The following TBC1D15 variants were observed in gnomAD, a reference collection of about 807,000 sequenced individuals.
The protein encoded by TBC1D15 is TBC1 domain family member 15.
Under a neutral mutation model 95.4 loss-of-function variants are expected in TBC1D15, and 39 were observed. The observed-to-expected ratio is 0.41, with a 90% CI of 0.32 to 0.53. The LOEUF is 0.53. Ranked by LOEUF, TBC1D15 falls within the 20% of genes least tolerant of loss-of-function variation. TBC1D15 has a pLI of 0.29. For missense variants in TBC1D15, 733 were observed against 794.3 expected, an observed-to-expected ratio of 0.92 and a Z score of 0.93; for synonymous variants, 258 against 261.3, an observed-to-expected ratio of 0.99 and a Z score of 0.12.
intron 14 of TBC1D15, among the ~76,000 whole-genome samples, chr12:71,919,720 C>G (rs1868514755): frequency 6.6e-6 from 1 of 152,106 alleles, no homozygotes; most frequent in African/African-American, 2.4e-5. Context: ...TGTATTTATG[C>G]CTAGTGTTCC....
chr12:71,855,137 A>G (rs114613268), intron 1 of TBC1D15, among the ~76,000 whole-genome samples: 166 of 152,250 alleles, frequency 1.1e-3, no homozygotes, highest in African/African-American at 3.7e-3. Flanking sequence ...GGAGAGAGAG[A>G]GTGCTCAGGG....
At chr12:71,844,858 A>G (rs1420062260) in intron 1 of TBC1D15, among the ~76,000 whole-genome samples, 6 of 152,230 alleles carry the variant, frequency 3.9e-5, no homozygotes, top group Admixed American at 3.9e-4. Flanking sequence ...TAGTTTAGTC[A>G]GACACTTTTC....
At chr12:71,882,477 T>C (rs988802900) in intron 4 of TBC1D15, among the ~76,000 whole-genome samples, 7 of 152,208 alleles carry the variant, frequency 4.6e-5, no homozygotes, top group Non-Finnish European at 8.8e-5. Context: ...TTATATTTAG[T>C]ATTCTCATGT....
At chr12:71,857,712 A>T (rs547204238) in intron 1 of TBC1D15, among the ~76,000 whole-genome samples, 1 of 152,326 alleles carries the variant, frequency 6.6e-6, no homozygotes, top group African/African-American at 2.4e-5. Flanking sequence ...AGCATTCATG[A>T]TCTGCTCTTC....
Position 71,858,175 on chromosome 12 carries a change from C to T in TBC1D15, c.31-13895C>T, listed in dbSNP as rs7313557. ...GCAGCCTCCATCTCCTGGGTTCAAG[C>T]GATTCTCCTGCCTCAGCCTCCTGAG... On this transcript the variant is annotated intron_variant, in intron 1 of 16. Coordinates refer to ENST00000485960, the MANE Select transcript of TBC1D15 (RefSeq NM_001146213.3). Among the ~76,000 whole-genome samples the T allele has an allele frequency of 2.7e-3, 416 of 152,038 alleles. 1 individual carries two copies. Among genetic ancestry groups the T allele is most frequent in the African/African-American group, 9.4e-3 (392 of 41,486 alleles).
chr12:71,872,824 G>A (rs1892971176), intron 2 of TBC1D15, 105 bp from the exon 3 acceptor site: 1 of 707,438 alleles, frequency 1.4e-6, no homozygotes, highest in Non-Finnish European at 2.3e-6. Context: ...TATTTAAAAT[G>A]TAGATATTTA....
chr12:71,861,457 T>G (rs1565961749), intron 1 of TBC1D15: 3 of 1,531,784 alleles, frequency 2.0e-6, no homozygotes, highest in Admixed American at 4.4e-5. Flanking sequence ...GTCCAGGACT[T>G]TATCCATACT....
At chr12:71,874,848 C>A (rs368047399) in intron 3 of TBC1D15, among the ~76,000 whole-genome samples, 14 of 152,094 alleles carry the variant, frequency 9.2e-5, no homozygotes, top group African/African-American at 2.7e-4. Context: ...GTCTCGAACT[C>A]CTGACCTGAG....
intron 3 of TBC1D15, among the ~76,000 whole-genome samples, chr12:71,879,974 A>G (rs375543844): frequency 3.3e-5 from 5 of 152,346 alleles, no homozygotes; most frequent in African/African-American, 7.2e-5. Context: ...GGAAAATTCT[A>G]TAGAACTATA....
chr12:71,888,936 C>A (rs1896750542), intron 5 of TBC1D15, among the ~76,000 whole-genome samples: 1 of 148,450 alleles, frequency 6.7e-6, no homozygotes, highest in African/African-American at 2.5e-5. Flanking sequence ...GGAAAGAAAG[C>A]AGTAATCAAA....
chr12:71,856,920 G>A (rs943234427), intron 1 of TBC1D15, among the ~76,000 whole-genome samples: 5 of 152,030 alleles, frequency 3.3e-5, no homozygotes, highest in Non-Finnish European at 7.4e-5. Flanking sequence ...CAAATCACTT[G>A]ATTTTCTTGC....
chr12:71,909,505 T>G (rs1037597242), intron 11 of TBC1D15, among the ~76,000 whole-genome samples: 1 of 152,184 alleles, frequency 6.6e-6, no homozygotes, highest in Non-Finnish European at 1.5e-5. Context: ...GGTGGTATCA[T>G]TGCAGGGTAT....
chr12:71,849,557 G>A, intron 1 of TBC1D15: 5 of 701,630 alleles, frequency 7.1e-6, no homozygotes. Context: ...TCACGTTACA[G>A]TGGCTGTCCA....
intron 6 of TBC1D15, 149 bp from the exon 7 acceptor site, chr12:71,894,537 G>C: frequency 9.2e-7 from 1 of 1,084,392 alleles, no homozygotes; most frequent in Non-Finnish European, 1.3e-6. Flanking sequence ...TTTGAAGAAA[G>C]AAAATACAAA....
intron 3 of TBC1D15, among the ~76,000 whole-genome samples, chr12:71,875,901 G>A (rs1212088566): frequency 6.6e-6 from 1 of 151,972 alleles, no homozygotes; most frequent in Non-Finnish European, 1.5e-5. Context: ...GGGTTCAAGC[G>A]ATTTTTCTGC....
intron 1 of TBC1D15, among the ~76,000 whole-genome samples, chr12:71,858,687 TGG>T (rs1331245280): frequency 1.3e-5 from 2 of 151,780 alleles, no homozygotes; most frequent in African/African-American, 4.8e-5. Context: ...CCTGAATAGC[TGG>T]GACTACAAGC....
chr12:71,875,529 A>ATT (rs35115414), intron 3 of TBC1D15, among the ~76,000 whole-genome samples: 15,996 of 148,828 alleles, frequency 0.11, 1,078 homozygotes, highest in African/African-American at 0.19. Flanking sequence ...TAGATTGGTG[A>ATT]TTTTTTTTTT....
intron 6 of TBC1D15, chr12:71,894,368 A>C (rs775112724): frequency 1.2e-6 from 2 of 1,612,802 alleles, no homozygotes; most frequent in African/African-American, 2.7e-5. Flanking sequence ...GCCATTCACC[A>C]CTGGAAAGTA....
rs12820544 is a variant in TBC1D15 at position 71,848,754 on chromosome 12, A to G, written c.30+8943A>G. Among the ~76,000 whole-genome samples the G allele has an allele frequency of 8.8e-3, 1,343 of 152,280 alleles. 10 individuals are homozygous for G. Among genetic ancestry groups the G allele is most frequent in the Middle Eastern group, 0.027 (8 of 294 alleles). On this transcript the variant is annotated intron_variant, in intron 1 of 16. Transcript: ENST00000485960. Reference sequence around the variant, plus strand: ...TCAGAGTTTGTTTTAAGGTTAATACATAGAGTGCTAGCTTTTTAGTCACCT... The same window carrying G: ...TCAGAGTTTGTTTTAAGGTTAATACGTAGAGTGCTAGCTTTTTAGTCACCT...
Sources: allele counts gnomAD v4.1 joint callset (sites outside exome capture counted in the v4.1 genomes callset), GRCh38; gene constraint gnomAD v4.1.1; transcripts MANE v1.5; gene names NCBI Gene and HGNC (gene_info 2026-07-23, HGNC 2026-07-21).